ABL2: variants seen among roughly 807,000 people sequenced by gnomAD.
The protein encoded by ABL2 is ABL proto-oncogene 2, non-receptor tyrosine kinase, also known as tyrosine-protein kinase ABL2.
ABL2 carries 49 observed loss-of-function variants against 107.7 expected under a neutral mutation model. The observed-to-expected ratio is 0.45, with a 90% CI of 0.36 to 0.58. ABL2 has a LOEUF of 0.58. Among genes scored for constraint, ABL2 ranks in the 20% least tolerant of loss-of-function variants. The pLI is 0.00. For missense variants in ABL2, 1,245 were observed against 1,457.0 expected, an observed-to-expected ratio of 0.85 and a Z score of 2.37; for synonymous variants, 549 against 548.6, an observed-to-expected ratio of 1.00 and a Z score of -0.01.
intron 1 of ABL2, among the ~76,000 whole-genome samples, chr1:179,172,348 G>A (rs1265929841): frequency 6.6e-6 from 1 of 152,134 alleles, no homozygotes; most frequent in East Asian, 1.9e-4. Flanking sequence ...ATACGCAAAT[G>A]TGTATGTGCA....
chr1:179,170,075 A>G (rs190475320), intron 1 of ABL2, among the ~76,000 whole-genome samples: 1 of 152,284 alleles, frequency 6.6e-6, no homozygotes, highest in Non-Finnish European at 1.5e-5. Context: ...TTTGGCTCAC[A>G]GTTCTAGAGA....
At position 179,109,156 on chromosome 1, in the gene ABL2, G is replaced by C. The variant is rs1005742130; in HGVS notation, c.2111C>G (p.Thr704Ser). Residue 704 changes from threonine (T) to serine (S), a missense_variant, in exon 12 of 12, where the codon ACT becomes AGT. By Grantham distance (58) the Thr-to-Ser change is moderately conservative. Transcript: ENST00000502732. ...CAGATTCGCCTCTTGCTGGGCAGGA[G>C]TGAAAGAGAACCCATCAGCATGCTG... Reference protein sequence around the residue: ...SLQHADGFSFTPAQQEANLVP... With the variant: ...SLQHADGFSFSPAQQEANLVP... The C allele has an allele frequency of 9.9e-6, 16 of 1,613,644 alleles. No individual in the cohort carries two copies. Among genetic ancestry groups the C allele is most frequent in the African/African-American group, 1.3e-5 (1 of 74,758 alleles).
At position 179,128,677 on chromosome 1, in the gene ABL2, C is replaced by A. The variant is rs549055366; in HGVS notation, c.392-2005G>T. Among the ~76,000 whole-genome samples, 10 of 152,166 alleles carry A rather than the reference C, an allele frequency of 6.6e-5. No individual in the cohort carries two copies. In the East Asian group the frequency reaches 1.9e-3, roughly 29 times the overall value. On this transcript the variant is annotated intron_variant, in intron 3 of 11. Coordinates refer to ENST00000502732, the MANE Select transcript of ABL2 (RefSeq NM_007314.4). Reference sequence around the variant, plus strand: ...ATATTGGCCAAACTGGCAGAGCAACCCTAGGGAGAACTTTTTTGTTTGTTT... The same window carrying A: ...ATATTGGCCAAACTGGCAGAGCAACACTAGGGAGAACTTTTTTGTTTGTTT...
chr1:179,166,485 A>G (rs1659391441), intron 1 of ABL2, among the ~76,000 whole-genome samples: 1 of 152,096 alleles, frequency 6.6e-6, no homozygotes, highest in African/African-American at 2.4e-5. Flanking sequence ...AGGTATATGA[A>G]AAAATGTTCC....
In ABL2 at chr1:179,126,388, C is replaced by A; in HGVS notation, c.676G>T (p.Ala226Ser). 1 of 1,612,728 alleles carries A rather than the reference C, an allele frequency of 6.2e-7. No individual in the cohort carries two copies. The highest frequency in any genetic ancestry group is 1.1e-5 in the South Asian group (1 of 91,048). Residue 226 changes from alanine (A) to serine (S), a missense_variant, in exon 4 of 12, where the codon GCA becomes TCA. Physicochemically the swap from Ala to Ser is moderately conservative, Grantham distance 99. This residue lies in a region of ABL2 where 320 missense variants were observed against 547.0 expected (regional missense o/e 0.59). Coordinates refer to ENST00000502732, the MANE Select transcript of ABL2 (RefSeq NM_007314.4). The surrounding 1 kb of genome is among the most constrained non-coding windows in gnomAD (Gnocchi z 4.4). ...RVYHYRINTT[A>S]DGKVYVTAES... ...CCAGGGAGTCTTACCTTGCCATCTGCAGTGGTATTGATCCTGTAGTGATAC... is the reference window on the plus strand; with the variant it reads ...CCAGGGAGTCTTACCTTGCCATCTGAAGTGGTATTGATCCTGTAGTGATAC...
intron 1 of ABL2, among the ~76,000 whole-genome samples, chr1:179,193,533 T>C (rs1376151969): frequency 1.3e-5 from 2 of 151,612 alleles, no homozygotes; most frequent in African/African-American, 4.9e-5. Flanking sequence ...GCCTCCCAAA[T>C]AGCTGGGATA....
chr1:179,208,373 G>A (rs28991597), intron 1 of ABL2, among the ~76,000 whole-genome samples: 2,162 of 151,216 alleles, frequency 0.014, 77 homozygotes, highest in African/African-American at 0.05. Context: ...TCAATGCTCA[G>A]CTCCCACTTA....
intron 1 of ABL2, among the ~76,000 whole-genome samples, chr1:179,144,373 A>C (rs2258217): frequency 2.6e-5 from 4 of 151,784 alleles, no homozygotes; most frequent in African/African-American, 9.7e-5. Context: ...GGCAGGAGAA[A>C]GGCATGAACC....
chr1:179,171,424 T>C (rs1014619848), intron 1 of ABL2, among the ~76,000 whole-genome samples: 9 of 152,332 alleles, frequency 5.9e-5, no homozygotes, highest in African/African-American at 1.2e-4. Flanking sequence ...AATTATAGTA[T>C]GTAATTAATT....
chr1:179,229,210 CGCTCTCATG>C, intron 1 of ABL2, 22 bp downstream of exon 1: 1 of 1,489,014 alleles, frequency 6.7e-7, no homozygotes, highest in Non-Finnish European at 9.0e-7. Flanking sequence ...GCCTCCCCCA[CGCTCTCATG>C]CCGGCTCCCA....
chr1:179,179,596 T>C (rs1428331893), intron 1 of ABL2, among the ~76,000 whole-genome samples: 2 of 152,038 alleles, frequency 1.3e-5, no homozygotes, highest in Non-Finnish European at 2.9e-5. Context: ...GTAAATCAGC[T>C]ATTATAATAC....
intron 1 of ABL2, among the ~76,000 whole-genome samples, chr1:179,149,367 T>C (rs911574114): frequency 6.6e-6 from 1 of 152,264 alleles, no homozygotes; most frequent in African/African-American, 2.4e-5. Context: ...AGAAGCCATG[T>C]CCTTAACATA....
intron 1 of ABL2, among the ~76,000 whole-genome samples, chr1:179,174,914 T>TAAA (rs200287014): frequency 7.2e-5 from 8 of 110,842 alleles, no homozygotes; most frequent in Non-Finnish European, 1.1e-4. Context: ...AAAAATAAAA[T>TAAA]AAAAAAAATA....
chr1:179,162,858 A>T (rs1659153695), intron 1 of ABL2, among the ~76,000 whole-genome samples: 1 of 152,252 alleles, frequency 6.6e-6, no homozygotes, highest in South Asian at 2.1e-4. Flanking sequence ...AAGGTGAATT[A>T]TAGCAGAACC....
At chr1:179,157,359 C>T (rs1441801180) in intron 1 of ABL2, among the ~76,000 whole-genome samples, 3 of 151,824 alleles carry the variant, frequency 2.0e-5, no homozygotes, top group African/African-American at 4.8e-5. Context: ...TAGCTGGGCC[C>T]GATGGCGTGT....
rs980441026 is a variant in ABL2 at position 179,107,167 on chromosome 1, G to GT, written c.*550dup. ...GGGCCATATTTCCCAGTTTTATGTT[G>GT]TAGCACTCTGATTTGCAGTTCTTAT... On this transcript the variant is annotated 3_prime_UTR_variant, in exon 12 of 12. Coordinates refer to ENST00000502732, the MANE Select transcript of ABL2 (RefSeq NM_007314.4). 4.3e-6 allele frequency: 1 copy of GT among 232,904 alleles called. No individual in the cohort carries two copies. The highest frequency in any genetic ancestry group is 2.2e-5 in the African/African-American group (1 of 45,266). 14.4% of individuals were successfully genotyped at this position (232,904 alleles called of 1,614,324 possible).
chr1:179,206,680 C>T (rs1228951004), intron 1 of ABL2, among the ~76,000 whole-genome samples: 1 of 152,000 alleles, frequency 6.6e-6, no homozygotes, highest in Non-Finnish European at 1.5e-5. Context: ...ATTTGGATTG[C>T]CAAAATTTGG....
chr1:179,109,901 C>G (rs918687785), intron 11 of ABL2, among the ~76,000 whole-genome samples: 8 of 150,212 alleles, frequency 5.3e-5, no homozygotes, highest in Non-Finnish European at 1.2e-4. Flanking sequence ...GTACTCCAGC[C>G]TGGGCGACAC....
intron 1 of ABL2, chr1:179,143,140 T>C: frequency 6.7e-7 from 1 of 1,490,890 alleles, no homozygotes; most frequent in Non-Finnish European, 9.0e-7. Context: ...GCATGTGACA[T>C]TTACTCATGT....
Sources: gnomAD v4.1 joint callset for allele counts (sites outside exome capture counted in the v4.1 genomes callset) on GRCh38, gnomAD v4.1.1 for gene constraint, gnomAD v4.1.1 regional missense constraint, Gnocchi (gnomAD v3.1) non-coding constraint, MANE v1.5 for transcripts, NCBI Gene and HGNC (gene_info 2026-07-23, HGNC 2026-07-21) for gene names.